The following PTPRZ1 variants were observed in gnomAD, a reference collection of about 807,000 sequenced individuals.
PTPRZ1 encodes the protein receptor-type tyrosine-protein phosphatase zeta.
Under a neutral mutation model 214.1 loss-of-function variants are expected in PTPRZ1, and 82 were observed. The observed-to-expected ratio is 0.38, with a 90% CI of 0.32 to 0.46. PTPRZ1 has a LOEUF of 0.46. Ranked by LOEUF, PTPRZ1 falls within the 20% of genes least tolerant of loss-of-function variation. The probability of loss-of-function intolerance (pLI) is 1.00; values close to 1 mark genes in which losing one functional copy is unlikely to be tolerated. For synonymous variants in PTPRZ1, 945 were observed against 987.9 expected, an observed-to-expected ratio of 0.96 and a Z score of 0.81; for missense variants, 2,603 against 2,748.7, an observed-to-expected ratio of 0.95 and a Z score of 1.19.
chr7:122,007,427 T>C (rs1168421326), intron 11 of PTPRZ1, among the ~76,000 whole-genome samples: 1 of 152,118 alleles, frequency 6.6e-6, no homozygotes, highest in Non-Finnish European at 1.5e-5. Flanking sequence ...TGGTAGTAGT[T>C]CTTGCTATTG....
chr7:122,040,728 C>A (rs1799699258), intron 20 of PTPRZ1, 88 bp from the exon 21 acceptor site: 2 of 755,442 alleles, frequency 2.6e-6, no homozygotes, highest in African/African-American at 2.0e-5. Context: ...TGTTGAAGAA[C>A]CGTGTGTGTG....
At chr7:121,929,528 C>T (rs1051243286) in intron 2 of PTPRZ1, among the ~76,000 whole-genome samples, 5 of 150,074 alleles carry the variant, frequency 3.3e-5, no homozygotes, top group African/African-American at 4.9e-5. Flanking sequence ...AACTTTCAAG[C>T]CAGGTGTGGT....
intron 8 of PTPRZ1, among the ~76,000 whole-genome samples, chr7:121,992,315 T>C (rs1199636762): frequency 6.6e-6 from 1 of 152,232 alleles, no homozygotes; most frequent in Non-Finnish European, 1.5e-5. Context: ...GCATCAACTT[T>C]CTTGATTAAC....
intron 12 of PTPRZ1, among the ~76,000 whole-genome samples, chr7:122,017,204 A>G (rs1230385978): frequency 3.9e-5 from 6 of 152,224 alleles, no homozygotes; most frequent in Non-Finnish European, 5.9e-5. Context: ...ACAACCATGT[A>G]TAAAATAAGA....
At chr7:122,001,792 AGTTTTT>A (rs1297616884) in intron 10 of PTPRZ1, among the ~76,000 whole-genome samples, 1 of 152,130 alleles carries the variant, frequency 6.6e-6, no homozygotes, top group African/African-American at 2.4e-5. Flanking sequence ...ATGAGTCAAC[AGTTTTT>A]GTTCAGTTAT....
At chr7:121,944,051 A>C (rs566335671) in intron 2 of PTPRZ1, among the ~76,000 whole-genome samples, 5 of 152,206 alleles carry the variant, frequency 3.3e-5, no homozygotes, top group Non-Finnish European at 7.3e-5. Flanking sequence ...AAAAGCTGCT[A>C]TCTGCATCAA....
chr7:121,894,216 C>T (rs958834713), intron 1 of PTPRZ1, among the ~76,000 whole-genome samples: 2 of 152,162 alleles, frequency 1.3e-5, no homozygotes, highest in Non-Finnish European at 2.9e-5. Context: ...GACCCCTTTG[C>T]CAAAACCCTT....
At position 122,013,320 on chromosome 7, in the gene PTPRZ1, G is replaced by C; in HGVS notation, c.4274G>C (p.Gly1425Ala). The C allele has an allele frequency of 6.2e-7, 1 of 1,609,568 alleles. No homozygotes were observed. Among genetic ancestry groups the C allele is most frequent in the Non-Finnish European group, 8.5e-7 (1 of 1,176,788 alleles). ...GAAGATGGTGACACTGATGATGATG[G>C]TGATGATGATGATGATGACAGAGGT... ...GGEDGDTDDD[G>A]DDDDDDRGSD... Residue 1425 changes from glycine to alanine, a missense_variant, in exon 12 of 30, where the codon GGT becomes GCT. By Grantham distance (60) the Gly-to-Ala change is moderately conservative. This residue lies in a region of PTPRZ1 where 1,913 missense variants were observed against 1,914.3 expected (regional missense o/e 1.00). Coordinates refer to ENST00000393386, the MANE Select transcript of PTPRZ1 (RefSeq NM_002851.3).
chr7:121,897,471 G>A (rs1327525102), intron 1 of PTPRZ1, among the ~76,000 whole-genome samples: 2 of 152,164 alleles, frequency 1.3e-5, no homozygotes, highest in African/African-American at 4.8e-5. Context: ...TGCTTTCAGA[G>A]TATGGACATT....
intron 13 of PTPRZ1, among the ~76,000 whole-genome samples, chr7:122,022,787 A>G (rs1045870343): frequency 2.6e-5 from 4 of 152,166 alleles, no homozygotes; most frequent in African/African-American, 9.7e-5. Flanking sequence ...AGAATTTAAC[A>G]AAATTAAAGG....
intron 8 of PTPRZ1, among the ~76,000 whole-genome samples, chr7:121,994,865 T>C (rs933401900): frequency 1.3e-5 from 2 of 152,184 alleles, no homozygotes; most frequent in Non-Finnish European, 2.9e-5. Flanking sequence ...ATTTTTCTTT[T>C]ATTTCTAAAG....
intron 11 of PTPRZ1, among the ~76,000 whole-genome samples, chr7:122,007,532 A>G (rs1257325197): frequency 6.6e-6 from 1 of 152,158 alleles, no homozygotes; most frequent in Non-Finnish European, 1.5e-5. Flanking sequence ...TGGGATGAAA[A>G]CACTTCTTAA....
chr7:121,943,413 G>A (rs1206519), intron 2 of PTPRZ1, among the ~76,000 whole-genome samples: 10,045 of 152,148 alleles, frequency 0.066, 608 homozygotes, highest in African/African-American at 0.16. Context: ...TCGGCTCACT[G>A]CAAGCTCCAC....
At chr7:121,986,698 A>G (rs910612088) in intron 8 of PTPRZ1, among the ~76,000 whole-genome samples, 2 of 152,122 alleles carry the variant, frequency 1.3e-5, no homozygotes, top group African/African-American at 2.4e-5. Flanking sequence ...TTTATCACCT[A>G]TTTGTCTGTG....
chr7:122,035,542 C>T (rs907567755), intron 17 of PTPRZ1, among the ~76,000 whole-genome samples: 3 of 152,166 alleles, frequency 2.0e-5, no homozygotes, highest in Non-Finnish European at 2.9e-5. Context: ...CTGAAACAAC[C>T]AGGCAAGATA....
intron 1 of PTPRZ1, chr7:121,908,514 C>T: frequency 2.9e-6 from 1 of 349,576 alleles, no homozygotes; most frequent in Admixed American, 4.1e-5. Context: ...TTTACCTAGC[C>T]TTTCTAATGG....
intron 27 of PTPRZ1, 31 bp downstream of exon 27, chr7:122,055,118 T>A (rs768243947): frequency 2.6e-5 from 38 of 1,462,944 alleles, no homozygotes; most frequent in Non-Finnish European, 3.1e-5. Flanking sequence ...ACAAACTTTT[T>A]ATCTTAAACA....
chr7:122,026,191 G>C (rs1156515077), intron 13 of PTPRZ1, among the ~76,000 whole-genome samples: 1 of 152,166 alleles, frequency 6.6e-6, no homozygotes, highest in African/African-American at 2.4e-5. Flanking sequence ...TTCAAAAGGA[G>C]TGATCTCCTT....
At chr7:122,041,239 T>C (rs1201699463) in intron 21 of PTPRZ1, among the ~76,000 whole-genome samples, 3 of 152,234 alleles carry the variant, frequency 2.0e-5, no homozygotes, top group Non-Finnish European at 4.4e-5. Context: ...TTCAGCTTAT[T>C]AACTATTTGA....
Sources: allele counts gnomAD v4.1 joint callset (sites outside exome capture counted in the v4.1 genomes callset), GRCh38; gene constraint gnomAD v4.1.1; regional missense constraint gnomAD v4.1.1; transcripts MANE v1.5; gene names NCBI Gene and HGNC (gene_info 2026-07-23, HGNC 2026-07-21).